Variants in CACNA1E observed in about 807,000 individuals in gnomAD.
CACNA1E encodes calcium voltage-gated channel subunit alpha1 E, also known as voltage-dependent R-type calcium channel subunit alpha-1E.
CACNA1E carries 40 observed loss-of-function variants against 259.2 expected under a neutral mutation model. The ratio of observed to expected loss-of-function variants is 0.15; its 90% CI spans 0.12 to 0.20. The LOEUF is 0.20. Ranked by LOEUF, CACNA1E falls within the 10% of genes least tolerant of loss-of-function variation. The pLI is 1.00. For missense variants in CACNA1E, 1,874 were observed against 3,040.1 expected (o/e 0.62, Z 9.02); for synonymous variants, 1,104 against 1,138.5 (o/e 0.97, Z 0.61).
intron 10 of CACNA1E, among the ~76,000 whole-genome samples, chr1:181,716,713 C>T: frequency 6.6e-6 from 1 of 152,198 alleles, no homozygotes; most frequent in East Asian, 1.9e-4. Context: ...TTACAAAGCT[C>T]ATTGCTGTTT....
At chr1:181,432,165 A>G (rs568859991) in intron 2 of CACNA1E, among the ~76,000 whole-genome samples, 28 of 152,334 alleles carry the variant, frequency 1.8e-4, no homozygotes, top group East Asian at 9.7e-4. Flanking sequence ...TTATCATTTC[A>G]ACACAAAACC....
At chr1:181,686,525 G>C (rs1315913439) in intron 7 of CACNA1E, among the ~76,000 whole-genome samples, 2 of 152,024 alleles carry the variant, frequency 1.3e-5, no homozygotes, top group Non-Finnish European at 2.9e-5. Context: ...GACCTCAGGT[G>C]ATCTGCCTGC....
At chr1:181,320,654 C>T (rs1448662235) in intron 1 of CACNA1E, among the ~76,000 whole-genome samples, 1 of 152,184 alleles carries the variant, frequency 6.6e-6, no homozygotes. Flanking sequence ...AGCTGACTCC[C>T]TGCACACGAG....
intron 3 of CACNA1E, among the ~76,000 whole-genome samples, chr1:181,548,217 C>T (rs796544001): frequency 3.0e-4 from 46 of 151,490 alleles, no homozygotes; most frequent in African/African-American, 9.9e-4. Context: ...CTCTGCCTCC[C>T]GGGCTCAAGC....
intron 3 of CACNA1E, among the ~76,000 whole-genome samples, chr1:181,557,443 C>A (rs1201922948): frequency 1.3e-5 from 2 of 152,226 alleles, no homozygotes; most frequent in Non-Finnish European, 2.9e-5. Context: ...TCCATTCCAT[C>A]TGACAGCTTT....
intron 2 of CACNA1E, among the ~76,000 whole-genome samples, chr1:181,446,133 C>G (rs148330569): frequency 1.8e-4 from 27 of 152,308 alleles, no homozygotes; most frequent in African/African-American, 6.0e-4. Context: ...CTGGGGCAGT[C>G]TTAGGTACCT....
At chr1:181,535,853 A>C (rs972318817) in intron 3 of CACNA1E, among the ~76,000 whole-genome samples, 1 of 151,854 alleles carries the variant, frequency 6.6e-6, no homozygotes, top group Non-Finnish European at 1.5e-5. Context: ...ACCCCGGCTA[A>C]TTTTTGTATT....
At chr1:181,456,764 T>G (rs1022375736) in intron 2 of CACNA1E, among the ~76,000 whole-genome samples, 3 of 152,194 alleles carry the variant, frequency 2.0e-5, no homozygotes, top group Non-Finnish European at 2.9e-5. Flanking sequence ...TCCCTCTCTC[T>G]CTCACTCTGT....
At chr1:181,730,592 A>G (rs1017191577) in intron 18 of CACNA1E, among the ~76,000 whole-genome samples, 1 of 152,248 alleles carries the variant, frequency 6.6e-6, no homozygotes, top group Non-Finnish European at 1.5e-5. Context: ...CACTGCTCAC[A>G]TCCTGGAGTA....
At chr1:181,448,530 T>G (rs1660942723) in intron 2 of CACNA1E, among the ~76,000 whole-genome samples, 1 of 152,240 alleles carries the variant, frequency 6.6e-6, no homozygotes, top group South Asian at 2.1e-4. Context: ...AAGTAATCAC[T>G]TATTTAAATG....
At chr1:181,425,759 C>T (rs992385923) in intron 2 of CACNA1E, among the ~76,000 whole-genome samples, 3 of 152,042 alleles carry the variant, frequency 2.0e-5, no homozygotes, top group African/African-American at 7.2e-5. Context: ...GCTCCTTTAA[C>T]CATCTTTCTC....
intron 3 of CACNA1E, among the ~76,000 whole-genome samples, chr1:181,558,782 G>T (rs1649007140): frequency 1.3e-5 from 2 of 152,298 alleles, no homozygotes; most frequent in Non-Finnish European, 2.9e-5. Flanking sequence ...TCTAGTAATG[G>T]TCTGGAGAGA....
chr1:181,359,827 T>G (rs1295686177), intron 1 of CACNA1E, among the ~76,000 whole-genome samples: 2 of 152,250 alleles, frequency 1.3e-5, no homozygotes, highest in East Asian at 3.8e-4. Context: ...TACATTCCTA[T>G]TCTGCTAGAG....
At chr1:181,635,610 C>G in intron 6 of CACNA1E, among the ~76,000 whole-genome samples, 1 of 152,216 alleles carries the variant, frequency 6.6e-6, no homozygotes, top group East Asian at 1.9e-4. Flanking sequence ...GATTGCTGAG[C>G]TTCCTCTAGA....
At chr1:181,668,311 T>C (rs969103341) in intron 7 of CACNA1E, among the ~76,000 whole-genome samples, 2 of 152,256 alleles carry the variant, frequency 1.3e-5, no homozygotes, top group African/African-American at 2.4e-5. Context: ...AGGTTTTCCA[T>C]GTATCAGTTG....
chr1:181,426,573 A>G (rs1207204065), intron 2 of CACNA1E, among the ~76,000 whole-genome samples: 1 of 111,628 alleles, frequency 9.0e-6, no homozygotes, highest in Non-Finnish European at 1.8e-5. Context: ...CAACCACTTC[A>G]CAACTTAACC....
At chr1:181,774,796 C>T (rs2102786886) in intron 37 of CACNA1E, among the ~76,000 whole-genome samples, 1 of 152,338 alleles carries the variant, frequency 6.6e-6, no homozygotes, top group South Asian at 2.1e-4. Flanking sequence ...TGCACCTGGC[C>T]ACTTGGCCTG....
intron 6 of CACNA1E, among the ~76,000 whole-genome samples, chr1:181,606,648 T>C (rs1389344651): frequency 3.3e-5 from 5 of 152,234 alleles, no homozygotes; most frequent in Non-Finnish European, 1.5e-5. Context: ...ATAAAACCCT[T>C]TACTGGATTC....
intron 1 of CACNA1E, among the ~76,000 whole-genome samples, chr1:181,365,606 G>A (rs1654215727): frequency 3.3e-5 from 5 of 152,236 alleles, no homozygotes; most frequent in Admixed American, 6.5e-5. Context: ...GGCCTGGGCC[G>A]GGGTGGTCAG....
Sources: gnomAD v4.1 joint callset for allele counts (sites outside exome capture counted in the v4.1 genomes callset) on GRCh38, gnomAD v4.1.1 for gene constraint, MANE v1.5 for transcripts, NCBI Gene and HGNC (gene_info 2026-07-23, HGNC 2026-07-21) for gene names.